The following ADAMTS3 variants were observed in gnomAD, a reference collection of about 807,000 sequenced individuals.
ADAMTS3 encodes ADAM metallopeptidase with thrombospondin type 1 motif 3, also known as A disintegrin and metalloproteinase with thrombospondin motifs 3.
ADAMTS3 carries 73 observed loss-of-function variants against 129.0 expected under a neutral mutation model. That is an observed-to-expected ratio of 0.57 (90% CI 0.47 to 0.69). The LOEUF is 0.69. Among genes scored for constraint, ADAMTS3 ranks in the 30% least tolerant of loss-of-function variants. The pLI is 0.00. For missense variants in ADAMTS3, 1,457 were observed against 1,514.5 expected (o/e 0.96, Z 0.63); for synonymous variants, 477 against 510.8 (o/e 0.93, Z 0.89).
At chr4:72,466,728 C>G (rs1718930168) in intron 3 of ADAMTS3, among the ~76,000 whole-genome samples, 1 of 152,070 alleles carries the variant, frequency 6.6e-6, no homozygotes, top group Non-Finnish European at 1.5e-5. Context: ...ACCATCTTCT[C>G]TTCTCTTGTT....
chr4:72,451,140 T>C (rs1036770925), intron 3 of ADAMTS3, among the ~76,000 whole-genome samples: 1 of 151,630 alleles, frequency 6.6e-6, no homozygotes, highest in Non-Finnish European at 1.5e-5. Flanking sequence ...CTACAGGCCT[T>C]TGGGAATGTC....
rs2109764976 is a variant in ADAMTS3, at chr4:72,285,917, C to T, written c.3050-2213G>A. Reference sequence around the variant, plus strand: ...AGAGGTTCTGGAAAAGAGATTCACACATGGTCTCAAAAGGCCATTTGATTC... The same window carrying T: ...AGAGGTTCTGGAAAAGAGATTCACATATGGTCTCAAAAGGCCATTTGATTC... On this transcript the variant is annotated intron_variant, in intron 21 of 21. Coordinates refer to ENST00000286657, the MANE Select transcript of ADAMTS3 (RefSeq NM_014243.3). 2.0e-5 allele frequency among the ~76,000 whole-genome samples: 3 copies of T among 152,250 alleles called. No individual in the cohort carries two copies. In the South Asian group the frequency reaches 6.2e-4, roughly 32 times the overall value.
chr4:72,564,089 A>T (rs1578799564), intron 2 of ADAMTS3, among the ~76,000 whole-genome samples: 2 of 152,186 alleles, frequency 1.3e-5, no homozygotes, highest in Non-Finnish European at 2.9e-5. Flanking sequence ...TTTGCAACTG[A>T]GGAACAGAAA....
intron 3 of ADAMTS3, among the ~76,000 whole-genome samples, chr4:72,528,213 T>TAA (rs200184162): frequency 6.5e-5 from 9 of 138,258 alleles, no homozygotes; most frequent in African/African-American, 1.9e-4. Flanking sequence ...AATTCTCTCT[T>TAA]TAAAAAAAAA....
intron 3 of ADAMTS3, among the ~76,000 whole-genome samples, chr4:72,489,334 C>T (rs930420279): frequency 2.0e-5 from 3 of 151,878 alleles, no homozygotes; most frequent in Admixed American, 1.3e-4. Flanking sequence ...CAATTGCAGT[C>T]CAAAAATATT....
chr4:72,339,407 G>C, intron 5 of ADAMTS3, 87 bp downstream of exon 5: 1 of 1,314,732 alleles, frequency 7.6e-7, no homozygotes, highest in Non-Finnish European at 1.1e-6. Flanking sequence ...AGTCATGGAA[G>C]TTCTCACACA....
chr4:72,305,616 T>A (rs1248949380), intron 16 of ADAMTS3, among the ~76,000 whole-genome samples: 1 of 152,026 alleles, frequency 6.6e-6, no homozygotes, highest in Non-Finnish European at 1.5e-5. Flanking sequence ...AAAGCTCTAC[T>A]TTTTTTATGT....
intron 4 of ADAMTS3, among the ~76,000 whole-genome samples, chr4:72,345,080 G>A (rs543995653): frequency 4.3e-4 from 65 of 152,192 alleles, no homozygotes; most frequent in Admixed American, 6.5e-4. Flanking sequence ...AATAAAATAC[G>A]ATTCATGTTA....
chr4:72,529,592 C>A (rs1365332962), intron 3 of ADAMTS3, among the ~76,000 whole-genome samples: 1 of 141,400 alleles, frequency 7.1e-6, no homozygotes, highest in Non-Finnish European at 1.5e-5. Flanking sequence ...TATCAAGATG[C>A]TGTACAGGTT....
At chr4:72,440,013 T>A (rs897201056) in intron 3 of ADAMTS3, among the ~76,000 whole-genome samples, 1 of 151,732 alleles carries the variant, frequency 6.6e-6, no homozygotes, top group African/African-American at 2.4e-5. Flanking sequence ...TCAAAATATA[T>A]GCAGAAAATC....
chr4:72,496,803 G>C lies in ADAMTS3; in HGVS notation c.504+51675C>G, dbSNP rs551146671. ...TTGTCCTTTTGTACACCTGTCTCCTGTTTGCTTTCTGAAGATGATAATTAT... is the reference window on the plus strand; with the variant it reads ...TTGTCCTTTTGTACACCTGTCTCCTCTTTGCTTTCTGAAGATGATAATTAT... On this transcript the variant is annotated intron_variant, in intron 3 of 21. Coordinates refer to ENST00000286657, the MANE Select transcript of ADAMTS3 (RefSeq NM_014243.3). Among the ~76,000 whole-genome samples the C allele has an allele frequency of 7.2e-5, 11 of 152,016 alleles. No homozygotes were observed. The South Asian group carries it at 2.3e-3, about 31-fold the overall frequency.
chr4:72,296,710 A>G (rs552450871), intron 18 of ADAMTS3, among the ~76,000 whole-genome samples: 6 of 152,228 alleles, frequency 3.9e-5, no homozygotes, highest in Non-Finnish European at 7.4e-5. Context: ...TAACTATAAT[A>G]TAATTCTTAA....
At chr4:72,446,156 A>G (rs149744918) in intron 3 of ADAMTS3, among the ~76,000 whole-genome samples, 110 of 151,704 alleles carry the variant, frequency 7.3e-4, no homozygotes, top group East Asian at 3.3e-3. Flanking sequence ...TCTCTCCCCT[A>G]ATGTTTTCAA....
At chr4:72,504,335 T>C (rs945761065) in intron 3 of ADAMTS3, among the ~76,000 whole-genome samples, 3 of 152,180 alleles carry the variant, frequency 2.0e-5, no homozygotes, top group African/African-American at 7.2e-5. Flanking sequence ...TAAAGCTTAG[T>C]TTGGTGAAAT....
rs200215356 is a variant in ADAMTS3, at chr4:72,288,843, G to T, written c.2957C>A (p.Thr986Lys). The T allele has an allele frequency of 6.8e-6, 11 of 1,612,062 alleles. No homozygotes were observed. The highest frequency in any genetic ancestry group is 9.3e-6 in the Non-Finnish European group (11 of 1,179,378). The change falls in exon 21 of 22, where the codon ACG (threonine) becomes AAG (lysine). Residue 986 changes from threonine to lysine, a missense_variant. Physicochemically the swap from Thr to Lys is moderately conservative, Grantham distance 78 (BLOSUM62 -1). Coordinates refer to ENST00000286657, the MANE Select transcript of ADAMTS3 (RefSeq NM_014243.3). ...CCTGCAGAGGACCTGCCTCACCTCC[G>T]TTCCTTCACCGCAGGTCACTGAACA... ...SECSVTCGEG[T>K]EVRQVLCRAG...
At position 72,532,223 on chromosome 4, in the gene ADAMTS3, C is replaced by T. The variant is rs551357432; in HGVS notation, c.504+16255G>A. On this transcript the variant is annotated intron_variant, in intron 3 of 21. Coordinates refer to ENST00000286657, the MANE Select transcript of ADAMTS3 (RefSeq NM_014243.3). ...ACTTTCAGTCCCATCTGCAGACCTACTAAATCAGAAACTCTGAGGTGGAAC... is the reference window on the plus strand; with the variant it reads ...ACTTTCAGTCCCATCTGCAGACCTATTAAATCAGAAACTCTGAGGTGGAAC... Among the ~76,000 whole-genome samples the T allele has an allele frequency of 2.1e-4, 32 of 152,250 alleles. No individual in the cohort carries two copies. In the South Asian group the frequency reaches 6.6e-3, roughly 32 times the overall value.
chr4:72,302,286 C>A (rs1718970250), intron 17 of ADAMTS3, among the ~76,000 whole-genome samples: 2 of 121,706 alleles, frequency 1.6e-5, no homozygotes, highest in African/African-American at 3.2e-5. Context: ...ATGAAAAATT[C>A]AGCCGAAAAA....
At chr4:72,500,245 A>G (rs1272577401) in intron 3 of ADAMTS3, among the ~76,000 whole-genome samples, 1 of 152,182 alleles carries the variant, frequency 6.6e-6, no homozygotes, top group African/African-American at 2.4e-5. Context: ...CTAACAGTGT[A>G]TAAGCATTCC....
chr4:72,509,464 G>A, intron 3 of ADAMTS3, among the ~76,000 whole-genome samples: 1 of 150,208 alleles, frequency 6.7e-6, no homozygotes, highest in East Asian at 1.9e-4. Flanking sequence ...AAATTCAAAG[G>A]ATCATTAATG....
Sources: allele counts gnomAD v4.1 joint callset (sites outside exome capture counted in the v4.1 genomes callset), GRCh38; gene constraint gnomAD v4.1.1; transcripts MANE v1.5; gene names NCBI Gene and HGNC (gene_info 2026-07-23, HGNC 2026-07-21).